PLEKHA5: variants seen among roughly 807,000 people sequenced by gnomAD.
PLEKHA5 encodes pleckstrin homology domain containing A5, also known as pleckstrin homology domain-containing family A member 5.
A neutral mutation model predicts 181.9 loss-of-function variants in PLEKHA5; 55 were observed. The observed-to-expected ratio is 0.30, with a 90% confidence interval of 0.24 to 0.38. PLEKHA5 has a LOEUF of 0.38. PLEKHA5 is among the 10% of genes least tolerant of loss of function. The pLI, the probability that PLEKHA5 is intolerant of heterozygous loss-of-function variation, is 1.00. For synonymous variants in PLEKHA5, 535 were observed against 529.4 expected (o/e 1.01, Z -0.15); for missense variants, 1,432 against 1,549.5 (o/e 0.92, Z 1.27).
intron 3 of PLEKHA5, among the ~76,000 whole-genome samples, chr12:19,172,876 C>T (rs1364259313): frequency 6.6e-6 from 1 of 150,810 alleles, no homozygotes; most frequent in East Asian, 1.9e-4. Context: ...GTGTCCTGTG[C>T]TTTTGGGGTG....
At chr12:19,133,781 T>C (rs183138471) in intron 3 of PLEKHA5, among the ~76,000 whole-genome samples, 1 of 152,054 alleles carries the variant, frequency 6.6e-6, no homozygotes, top group Admixed American at 6.5e-5. Flanking sequence ...AATCTTTTCT[T>C]TGGAGATTAT....
intron 10 of PLEKHA5, among the ~76,000 whole-genome samples, chr12:19,271,900 A>G (rs1565547007): frequency 3.3e-5 from 5 of 152,146 alleles, no homozygotes; most frequent in Admixed American, 2.0e-4. Context: ...TTCTACTCCT[A>G]GTTGTTGGCA....
At chr12:19,220,746 G>C (rs2152299500) in intron 3 of PLEKHA5, among the ~76,000 whole-genome samples, 1 of 150,464 alleles carries the variant, frequency 6.6e-6, no homozygotes, top group East Asian at 2.1e-4. Flanking sequence ...GTAATCTATT[G>C]TCTAGCAAAT....
intron 3 of PLEKHA5, among the ~76,000 whole-genome samples, chr12:19,245,562 T>C (rs1303947945): frequency 1.3e-5 from 2 of 151,714 alleles, no homozygotes; most frequent in Admixed American, 6.6e-5. Flanking sequence ...ACCCCGTCTC[T>C]ACTAAAAATA....
chr12:19,318,846 T>G (rs552370918), intron 16 of PLEKHA5, among the ~76,000 whole-genome samples: 52 of 152,206 alleles, frequency 3.4e-4, no homozygotes, highest in Admixed American at 1.6e-3. Flanking sequence ...ACTTGAACCC[T>G]GGAGGCAGAG....
intron 3 of PLEKHA5, among the ~76,000 whole-genome samples, chr12:19,186,725 A>G (rs1394906403): frequency 1.3e-5 from 2 of 152,232 alleles, no homozygotes; most frequent in East Asian, 1.9e-4. Context: ...TATGGTTCGT[A>G]TCCACCCCTT....
intron 3 of PLEKHA5, among the ~76,000 whole-genome samples, chr12:19,216,942 A>T (rs1039276611): frequency 6.6e-6 from 1 of 152,122 alleles, no homozygotes; most frequent in African/African-American, 2.4e-5. Context: ...GTCCTCCATG[A>T]CTTCTTTTCT....
At chr12:19,229,248 G>A (rs1413258107) in intron 3 of PLEKHA5, among the ~76,000 whole-genome samples, 1 of 152,182 alleles carries the variant, frequency 6.6e-6, no homozygotes, top group Non-Finnish European at 1.5e-5. Flanking sequence ...CCACATGACT[G>A]TGTCTGTTAT....
At chr12:19,212,880 G>A (rs923028048) in intron 3 of PLEKHA5, among the ~76,000 whole-genome samples, 1 of 149,056 alleles carries the variant, frequency 6.7e-6, no homozygotes, top group Admixed American at 6.7e-5. Flanking sequence ...ACTGTAAGTG[G>A]CAGAGTTAGA....
In PLEKHA5 at chr12:19,349,588, G is replaced by A. The variant is rs535162380; in HGVS notation, c.3019+1069G>A. Among the ~76,000 whole-genome samples the A allele has an allele frequency of 6.6e-5, 10 of 152,190 alleles. No individual in the cohort carries two copies. The East Asian group carries it at 1.9e-3, about 29-fold the overall frequency. ...AGAAGGCAATTGCGTAAAGAAAAGA[G>A]TAGAGAGAGAACTATCCTAGATTAA... On this transcript the variant is annotated intron_variant, in intron 25 of 31. Transcript: ENST00000429027.
In PLEKHA5 at chr12:19,287,569, T is replaced by C; in HGVS notation, c.1863+13T>C. ...CCAAGGGAAAACGGTGAGTAATATC[T>C]TTATTTACCATACCATGTTTTATTT... On this transcript the variant is annotated intron_variant, in intron 13 of 31. Transcript: ENST00000429027. The C allele has an allele frequency of 7.3e-7, 1 of 1,374,944 alleles. No homozygotes were observed. Among genetic ancestry groups the C allele is most frequent in the South Asian group, 1.2e-5 (1 of 83,656 alleles). 85.2% of individuals were successfully genotyped at this position (1,374,944 alleles called of 1,614,324 possible). A position where few individuals can be genotyped will look rare whatever the true frequency, so the allele number is the denominator to read the frequency against.
At chr12:19,156,433 A>G (rs2041744981) in intron 3 of PLEKHA5, among the ~76,000 whole-genome samples, 1 of 151,782 alleles carries the variant, frequency 6.6e-6, no homozygotes, top group Non-Finnish European at 1.5e-5. Flanking sequence ...TTTTATTTTT[A>G]GTAAGAAAGG....
chr12:19,221,580 A>G (rs1383735130), intron 3 of PLEKHA5, among the ~76,000 whole-genome samples: 2 of 152,166 alleles, frequency 1.3e-5, no homozygotes, highest in Non-Finnish European at 1.5e-5. Context: ...GTCAAAACCC[A>G]TTGAAGTTTA....
At chr12:19,370,702 T>A (rs1456573515) in intron 31 of PLEKHA5, 1 of 152,164 alleles carries the variant, frequency 6.6e-6, no homozygotes, top group Non-Finnish European at 1.5e-5. Flanking sequence ...TTGTTTTTTT[T>A]ATGTTATTTC....
rs535541379 is a variant in PLEKHA5 at position 19,268,080 on chromosome 12, C to G, written c.712-1690C>G. Among the ~76,000 whole-genome samples the G allele has an allele frequency of 7.9e-5, 12 of 152,066 alleles. No individual in the cohort carries two copies. The East Asian group carries it at 1.4e-3, about 17-fold the overall frequency. On this transcript the variant is annotated intron_variant, in intron 8 of 31. Transcript: ENST00000429027. ...GAAGGTAATGTAACTGGAGCAAAGA[C>G]CTAAGGATAAGAGGGGAGTATCTTC...
At chr12:19,189,344 G>C (rs1309601130) in intron 3 of PLEKHA5, among the ~76,000 whole-genome samples, 1 of 152,196 alleles carries the variant, frequency 6.6e-6, no homozygotes, top group African/African-American at 2.4e-5. Context: ...ATGGTAAATA[G>C]ATGAAGAAAG....
intron 6 of PLEKHA5, 31 bp downstream of exon 6, chr12:19,257,568 G>C: frequency 3.7e-6 from 4 of 1,093,594 alleles, no homozygotes; most frequent in Non-Finnish European, 5.5e-6. Context: ...TGAAACAAAA[G>C]ACAGAATTAG....
In PLEKHA5 at chr12:19,200,429, C is replaced by T. The variant is rs377216819; in HGVS notation, c.228-53511C>T. ...TAGCTTCACTTCTTGGTGACTAATA[C>T]TAGTTGACAAAACAGCATATTCTAA... is the stretch of plus-strand genomic sequence containing the variant. On this transcript the variant is annotated intron_variant, in intron 3 of 31. Transcript: ENST00000429027. The T allele has an allele frequency of 1.2e-3, 1,859 of 1,491,594 alleles. 1 individual carries two copies. The highest frequency in any genetic ancestry group is 2.1e-3 in the Middle Eastern group (12 of 5,690). The allele number at this position is 1,491,594 out of a possible 1,614,324, so 92.4% of individuals were successfully genotyped here. A position where few individuals can be genotyped will look rare whatever the true frequency, so the allele number is the denominator to read the frequency against.
chr12:19,357,609 A>C lies in PLEKHA5; in HGVS notation c.3139-619A>C, dbSNP rs185468830. On this transcript the variant is annotated intron_variant, in intron 26 of 31. Transcript: ENST00000429027. ...GTTTTACCCAGATTTACTGGAACTGAGTTATGGGGGTTTGTTTGTTTGTTT... is the reference window on the plus strand; with the variant it reads ...GTTTTACCCAGATTTACTGGAACTGCGTTATGGGGGTTTGTTTGTTTGTTT... 2.6e-4 allele frequency among the ~76,000 whole-genome samples: 39 copies of C among 148,454 alleles called. No individual in the cohort carries two copies. The South Asian group carries it at 3.3e-3, about 12-fold the overall frequency.
Sources: allele counts gnomAD v4.1 joint callset (sites outside exome capture counted in the v4.1 genomes callset), GRCh38; gene constraint gnomAD v4.1.1; transcripts MANE v1.5; gene names NCBI Gene and HGNC (gene_info 2026-07-23, HGNC 2026-07-21).